CHCHD6: variants seen among roughly 807,000 people sequenced by gnomAD.
CHCHD6 encodes the protein MICOS complex subunit MIC25.
CHCHD6 carries 28 observed loss-of-function variants against 32.3 expected under a neutral mutation model. The ratio of observed to expected loss-of-function variants is 0.87; its 90% CI spans 0.64 to 1.19. The LOEUF is 1.19. Among genes scored for constraint, CHCHD6 ranks in the 50% most tolerant of loss-of-function variants. The pLI is 0.00. For synonymous variants in CHCHD6, 122 were observed against 117.5 expected (o/e 1.04, Z -0.25); for missense variants, 333 against 307.0 (o/e 1.08, Z -0.63).
At chr3:126,754,501 G>C (rs1936868036) in intron 4 of CHCHD6, among the ~76,000 whole-genome samples, 1 of 152,194 alleles carries the variant, frequency 6.6e-6, no homozygotes. Flanking sequence ...GGCACCCTTT[G>C]TGGCTGAGCT....
At chr3:126,841,821 G>A (rs936208157) in intron 4 of CHCHD6, among the ~76,000 whole-genome samples, 1 of 152,176 alleles carries the variant, frequency 6.6e-6, no homozygotes, top group Non-Finnish European at 1.5e-5. Context: ...GGCTGAGGTG[G>A]GAAGATTGCT....
At chr3:126,948,150 A>G (rs1025107987) in intron 6 of CHCHD6, among the ~76,000 whole-genome samples, 2 of 152,142 alleles carry the variant, frequency 1.3e-5, no homozygotes, top group African/African-American at 4.8e-5. Context: ...AACGGGTCCA[A>G]CCCCTTTGCA....
At chr3:126,959,208 A>G (rs2078827276) in intron 7 of CHCHD6, among the ~76,000 whole-genome samples, 1 of 152,226 alleles carries the variant, frequency 6.6e-6, no homozygotes, top group African/African-American at 2.4e-5. Context: ...TCCCTGAGAG[A>G]GGCTCTGGGA....
chr3:126,806,509 T>C (rs1375785073), intron 4 of CHCHD6, among the ~76,000 whole-genome samples: 2 of 147,186 alleles, frequency 1.4e-5, no homozygotes, highest in Non-Finnish European at 3.0e-5. Context: ...TACCATCTCA[T>C]ACCAGTTAGA....
intron 6 of CHCHD6, among the ~76,000 whole-genome samples, chr3:126,929,899 C>T (rs1170578723): frequency 6.6e-6 from 1 of 152,216 alleles, no homozygotes; most frequent in Non-Finnish European, 1.5e-5. Flanking sequence ...GCTAAGTATG[C>T]CTTCCCCAAC....
In CHCHD6 at chr3:126,895,615, G is replaced by GT. The variant is rs565974058; in HGVS notation, c.496-19061dup. 2.6e-3 allele frequency among the ~76,000 whole-genome samples: 394 copies of GT among 152,324 alleles called. 1 individual carries two copies. The highest frequency in any genetic ancestry group is 9.0e-3 in the African/African-American group (374 of 41,570). ...AACACCCATTATTTGGAGAGCAAGT[G>GT]TTTTCCTAGAAATTGCTAGATTTTG... is the stretch of plus-strand genomic sequence containing the variant. On this transcript the variant is annotated intron_variant, in intron 5 of 7. Coordinates refer to ENST00000290913, the MANE Select transcript of CHCHD6 (RefSeq NM_032343.3).
chr3:126,957,681 T>A, intron 7 of CHCHD6, 130 bp downstream of exon 7: 9 of 1,152,234 alleles, frequency 7.8e-6, no homozygotes, highest in Non-Finnish European at 1.0e-5. Flanking sequence ...GGTCTCTGCA[T>A]TTGCCAAGGG....
At chr3:126,826,980 T>C (rs778387849) in intron 4 of CHCHD6, among the ~76,000 whole-genome samples, 9 of 151,660 alleles carry the variant, frequency 5.9e-5, no homozygotes, top group African/African-American at 9.7e-5. Flanking sequence ...GGAGAGTAAA[T>C]AGGAATTAAC....
chr3:126,801,054 G>A (rs1023613113), intron 4 of CHCHD6, among the ~76,000 whole-genome samples: 5 of 152,166 alleles, frequency 3.3e-5, no homozygotes, highest in South Asian at 4.1e-4. Flanking sequence ...AATAAAAACC[G>A]ATATAAATGT....
At chr3:126,862,525 TCACCCTCTTCCACCATCACCA>T (rs1941963206) in intron 5 of CHCHD6, among the ~76,000 whole-genome samples, 1 of 114,398 alleles carries the variant, frequency 8.7e-6, no homozygotes. Flanking sequence ...CATCACCACC[TCACCCTCTTCCACCATCACCA>T]CCTCCTCCTC....
intron 6 of CHCHD6, among the ~76,000 whole-genome samples, chr3:126,935,467 C>T (rs938634846): frequency 5.3e-5 from 8 of 152,212 alleles, no homozygotes; most frequent in Admixed American, 5.2e-4. Context: ...TAGACAAGGA[C>T]AGCATTGCAT....
At position 126,914,770 on chromosome 3, in the gene CHCHD6, T is replaced by G. The variant is rs762639634; in HGVS notation, c.566+20T>G. On this transcript the variant is annotated intron_variant, in intron 6 of 7. Coordinates refer to ENST00000290913, the MANE Select transcript of CHCHD6 (RefSeq NM_032343.3). The stretch of plus-strand genomic sequence containing the variant: ...AATAAAGTAAGAATTTGTTTATTAT[T>G]CTTTGTAAACTTGGCCCACAATTGT... The G allele has an allele frequency of 6.9e-7, 1 of 1,445,236 alleles. No homozygotes were observed. Among genetic ancestry groups the G allele is most frequent in the African/African-American group, 1.4e-5 (1 of 71,742 alleles). 89.5% of individuals were successfully genotyped at this position (1,445,236 alleles called of 1,614,324 possible). A position where few individuals can be genotyped will look rare whatever the true frequency, so the allele number is the denominator to read the frequency against.
chr3:126,831,104 A>G (rs1436946960), intron 4 of CHCHD6, among the ~76,000 whole-genome samples: 2 of 151,654 alleles, frequency 1.3e-5, no homozygotes, highest in Non-Finnish European at 2.9e-5. Context: ...GCTCACTGCA[A>G]GCTCCACCTC....
At chr3:126,865,805 A>G (rs1269993187) in intron 5 of CHCHD6, 1 of 901,746 alleles carries the variant, frequency 1.1e-6, no homozygotes, top group East Asian at 1.2e-4. Context: ...ATCCTCTCAT[A>G]TATCTCACAC....
At chr3:126,854,270 G>A (rs1941574224) in intron 5 of CHCHD6, among the ~76,000 whole-genome samples, 1 of 152,108 alleles carries the variant, frequency 6.6e-6, no homozygotes, top group Non-Finnish European at 1.5e-5. Flanking sequence ...CTAGATGATT[G>A]TGAAGAGTTA....
chr3:126,906,526 C>T (rs1377009731), intron 5 of CHCHD6, among the ~76,000 whole-genome samples: 3 of 152,218 alleles, frequency 2.0e-5, no homozygotes, highest in South Asian at 2.1e-4. Flanking sequence ...TGCTGCTTTA[C>T]GCCGGGTGTA....
intron 5 of CHCHD6, among the ~76,000 whole-genome samples, chr3:126,875,527 G>A (rs1450714397): frequency 6.6e-6 from 1 of 152,228 alleles, no homozygotes; most frequent in Non-Finnish European, 1.5e-5. Flanking sequence ...GGAACACCAG[G>A]GGCAGAGGGG....
rs7646212 is a variant in CHCHD6 at position 126,891,983 on chromosome 3, G to A, written c.496-22697G>A. Among the ~76,000 whole-genome samples, 389 of 152,312 alleles carry A rather than the reference G, an allele frequency of 2.6e-3. 2 individuals carry two copies. The highest frequency in any genetic ancestry group is 8.9e-3 in the African/African-American group (370 of 41,560). ...CTTGTCACTGAGCTGGAGTGCCCAG[G>A]AGAAGCATCCTGTGCAGCCTATGGC... On this transcript the variant is annotated intron_variant, in intron 5 of 7. Transcript: ENST00000290913.
intron 4 of CHCHD6, among the ~76,000 whole-genome samples, chr3:126,787,481 T>G (rs1018290735): frequency 2.0e-5 from 3 of 152,248 alleles, no homozygotes; most frequent in Non-Finnish European, 4.4e-5. Context: ...TCCATTTGTT[T>G]GTATCCTCTT....
Sources: allele counts gnomAD v4.1 joint callset (sites outside exome capture counted in the v4.1 genomes callset), GRCh38; gene constraint gnomAD v4.1.1; transcripts MANE v1.5; gene names NCBI Gene and HGNC (gene_info 2026-07-23, HGNC 2026-07-21).